Variants in DOCK3 observed in about 807,000 individuals in gnomAD.
The protein encoded by DOCK3 is dedicator of cytokinesis 3.
A neutral mutation model predicts 265.6 loss-of-function variants in DOCK3; 60 were observed. That is an observed-to-expected ratio of 0.23 (90% CI 0.18 to 0.28). The LOEUF (loss-of-function observed/expected upper bound fraction) is 0.28. Among genes scored for constraint, DOCK3 ranks in the 10% least tolerant of loss-of-function variants. DOCK3 has a pLI of 1.00. For missense variants in DOCK3, 1,981 were observed against 2,594.3 expected (o/e 0.76, Z 5.14); for synonymous variants, 881 against 938.0 (o/e 0.94, Z 1.11).
At chr3:51,054,121 TAAAAAAAAAAAAA>T (rs35733959) in intron 5 of DOCK3, among the ~76,000 whole-genome samples, 1 of 85,012 alleles carries the variant, frequency 1.2e-5, no homozygotes, top group Non-Finnish European at 2.3e-5. Context: ...CGTAGCTTCC[TAAAAAAAAAAAAA>T]AAAAAAAAAA....
chr3:50,980,169 T>C (rs2077637277), intron 5 of DOCK3, among the ~76,000 whole-genome samples: 1 of 152,148 alleles, frequency 6.6e-6, no homozygotes, highest in East Asian at 1.9e-4. Context: ...GTGATGCAGG[T>C]TTGTTGAATT....
chr3:50,937,436 C>T (rs1292718049), intron 5 of DOCK3, among the ~76,000 whole-genome samples: 2 of 151,918 alleles, frequency 1.3e-5, no homozygotes, highest in Middle Eastern at 3.2e-3. Context: ...GGGCAGATCA[C>T]GAGGTCAGGA....
At chr3:50,787,521 G>A (rs1335601285) in intron 2 of DOCK3, 4 of 568,390 alleles carry the variant, frequency 7.0e-6, no homozygotes, top group Middle Eastern at 3.6e-4. Context: ...GGCAACAAGA[G>A]TAAAACTGTC....
Position 51,302,760 on chromosome 3 carries a change from G to A in DOCK3, c.2923-7472G>A, listed in dbSNP as rs533168692. Among the ~76,000 whole-genome samples, 4 of 152,232 alleles carry A rather than the reference G, an allele frequency of 2.6e-5. No homozygotes were observed. In the East Asian group the frequency reaches 7.7e-4, roughly 29 times the overall value. On this transcript the variant is annotated intron_variant, in intron 27 of 52. Coordinates refer to ENST00000266037, the MANE Select transcript of DOCK3 (RefSeq NM_004947.5). ...TGAATATTGGCCCCCAATCTCTTCT[G>A]GCTTATAGGGTTTCTGCTGAAAGGT... is the stretch of plus-strand genomic sequence containing the variant.
intron 22 of DOCK3, among the ~76,000 whole-genome samples, chr3:51,258,907 C>A (rs1395716052): frequency 6.6e-6 from 1 of 152,184 alleles, no homozygotes; most frequent in Non-Finnish European, 1.5e-5. Flanking sequence ...TGACTTCAAA[C>A]TGGCATAAGC....
intron 9 of DOCK3, among the ~76,000 whole-genome samples, chr3:51,124,475 A>G (rs1451646777): frequency 6.6e-6 from 1 of 152,108 alleles, no homozygotes; most frequent in Non-Finnish European, 1.5e-5. Context: ...ACAGCATAAA[A>G]CCTGGTGGGC....
At chr3:50,761,151 T>A (rs995281996) in intron 1 of DOCK3, among the ~76,000 whole-genome samples, 27 of 152,262 alleles carry the variant, frequency 1.8e-4, no homozygotes, top group Non-Finnish European at 2.5e-4. Context: ...TATCATTTTT[T>A]AAAAATTTAG....
chr3:51,163,542 G>A (rs922100802), intron 12 of DOCK3, among the ~76,000 whole-genome samples: 5 of 151,784 alleles, frequency 3.3e-5, no homozygotes, highest in Non-Finnish European at 5.9e-5. Flanking sequence ...TTCTTGACCC[G>A]AAGGACAAGG....
At chr3:50,927,236 C>G (rs993300972) in intron 4 of DOCK3, among the ~76,000 whole-genome samples, 1 of 152,106 alleles carries the variant, frequency 6.6e-6, no homozygotes, top group Non-Finnish European at 1.5e-5. Context: ...CTCCTTCCTT[C>G]CCCTCACTGA....
rs568320603 is a variant in DOCK3 at position 50,935,670 on chromosome 3, T to C, written c.315+1593T>C. Reference sequence around the variant, plus strand: ...ACCCTGTCTTCCATCCTTGCCCTGCTAAAATGAGGCAGTGCTTGTCCCCAC... The same window carrying C: ...ACCCTGTCTTCCATCCTTGCCCTGCCAAAATGAGGCAGTGCTTGTCCCCAC... On this transcript the variant is annotated intron_variant, in intron 5 of 52. Transcript: ENST00000266037. 3.1e-4 allele frequency among the ~76,000 whole-genome samples: 47 copies of C among 152,302 alleles called. 1 individual carries two copies. Among genetic ancestry groups the C allele is most frequent in the Admixed American group, 2.2e-3 (34 of 15,294 alleles).
intron 5 of DOCK3, among the ~76,000 whole-genome samples, chr3:51,005,885 G>A (rs2078660115): frequency 6.6e-6 from 1 of 152,086 alleles, no homozygotes; most frequent in Non-Finnish European, 1.5e-5. Flanking sequence ...ACCCTCCAAT[G>A]GCTATCATCT....
intron 10 of DOCK3, among the ~76,000 whole-genome samples, chr3:51,147,117 C>CAA (rs1237540139): frequency 7.3e-6 from 1 of 137,846 alleles, no homozygotes; most frequent in African/African-American, 2.7e-5. Context: ...GACCCTGTCT[C>CAA]AAAAAAAAAA....
At chr3:50,869,207 C>T (rs1208434901) in intron 3 of DOCK3, among the ~76,000 whole-genome samples, 2 of 151,458 alleles carry the variant, frequency 1.3e-5, no homozygotes, top group African/African-American at 4.8e-5. Context: ...ATCTCCTGAC[C>T]TCATGATCTG....
At chr3:51,028,073 T>C (rs1033619287) in intron 5 of DOCK3, among the ~76,000 whole-genome samples, 3 of 152,194 alleles carry the variant, frequency 2.0e-5, no homozygotes, top group African/African-American at 7.2e-5. Context: ...GCAAGTATTG[T>C]TCTTTATTTT....
chr3:51,139,254 T>G (rs865808083), intron 9 of DOCK3, among the ~76,000 whole-genome samples: 5,433 of 146,246 alleles, frequency 0.037, 380 homozygotes, highest in African/African-American at 0.13. Context: ...TCAACTGCAG[T>G]GGGGGGAGGG....
At chr3:50,845,185 C>A (rs2046022576) in intron 3 of DOCK3, among the ~76,000 whole-genome samples, 1 of 151,476 alleles carries the variant, frequency 6.6e-6, no homozygotes, top group Admixed American at 6.6e-5. Flanking sequence ...ATCTCGTGGA[C>A]AACAAAGGGA....
chr3:50,806,923 G>A (rs573020617), intron 2 of DOCK3, among the ~76,000 whole-genome samples: 5 of 152,244 alleles, frequency 3.3e-5, no homozygotes, highest in Admixed American at 3.3e-4. Context: ...GACTCAGGGG[G>A]TGTAAGGACT....
In DOCK3 at chr3:51,381,023, C is replaced by T. The variant is rs782039865; in HGVS notation, c.5584-27C>T. 2 of 1,555,210 alleles carry T rather than the reference C, an allele frequency of 1.3e-6. No individual in the cohort carries two copies. The highest frequency in any genetic ancestry group is 3.5e-5 in the Admixed American group (2 of 57,232). ...GTCAGCCTGTCTGGAGAGAGGGATT[C>T]TAACATGCCCACCCTTTCCTTCGCA... is the stretch of plus-strand genomic sequence containing the variant. On this transcript the variant is annotated intron_variant, in intron 52 of 52. Coordinates refer to ENST00000266037, the MANE Select transcript of DOCK3 (RefSeq NM_004947.5). The surrounding 1 kb of genome is among the most constrained non-coding windows in gnomAD (Gnocchi z 5.6).
chr3:51,276,158 G>A (rs1391781782), intron 25 of DOCK3, among the ~76,000 whole-genome samples: 2 of 152,176 alleles, frequency 1.3e-5, no homozygotes, highest in African/African-American at 4.8e-5. Context: ...GCAGGGGACA[G>A]GGACTCAATA....
Sources: allele counts gnomAD v4.1 joint callset (sites outside exome capture counted in the v4.1 genomes callset), GRCh38; gene constraint gnomAD v4.1.1; non-coding constraint Gnocchi (gnomAD v3.1); transcripts MANE v1.5; gene names NCBI Gene and HGNC (gene_info 2026-07-23, HGNC 2026-07-21).